Variants in PCDHGB4 observed in about 807,000 individuals in gnomAD.
PCDHGB4 encodes protocadherin gamma-B4.
PCDHGB4 carries 38 observed loss-of-function variants against 60.5 expected under a neutral mutation model. The observed-to-expected ratio is 0.63, with a 90% CI of 0.48 to 0.82. The LOEUF (loss-of-function observed/expected upper bound fraction) is 0.82. Among genes scored for constraint, PCDHGB4 ranks in the 40% least tolerant of loss-of-function variants. PCDHGB4 has a pLI of 0.00. For synonymous variants in PCDHGB4, 456 were observed against 509.7 expected, an observed-to-expected ratio of 0.89 and a Z score of 1.42; for missense variants, 1,109 against 1,209.6, an observed-to-expected ratio of 0.92 and a Z score of 1.23.
At chr5:141,478,528 G>A (rs1013766552) in intron 1 of PCDHGB4, 1 of 1,609,730 alleles carries the variant, frequency 6.2e-7, no homozygotes, top group Non-Finnish European at 8.5e-7. Context: ...TGGGTGCAGA[G>A]AGCGCCCCTC....
rs1239203203 is a variant in PCDHGB4 at position 141,403,933 on chromosome 5, G to T, written c.2397+13652G>T. 1.7e-5 allele frequency: 27 copies of T among 1,613,792 alleles called. No homozygotes were observed. The highest frequency in any genetic ancestry group is 1.6e-4 in the African/African-American group (12 of 74,902). ...TACAAGCTGAAGATGGTGGGGGATT[G>T]AAAGGGTGGACAAAAGTGCTCATTT... On this transcript the variant is annotated intron_variant, in intron 1 of 3. Transcript: ENST00000519479.
intron 1 of PCDHGB4, among the ~76,000 whole-genome samples, chr5:141,454,195 T>C (rs1295815862): frequency 6.6e-6 from 1 of 152,136 alleles, no homozygotes; most frequent in Admixed American, 6.6e-5. Context: ...TTAGTGAAGG[T>C]GAATTTATTG....
chr5:141,400,020 G>A (rs1589396224), intron 1 of PCDHGB4: 1 of 1,612,942 alleles, frequency 6.2e-7, no homozygotes, highest in South Asian at 1.1e-5. Context: ...TGGGCGACAG[G>A]GACGCGGCCC....
chr5:141,511,450 C>A lies in PCDHGB4; in HGVS notation c.*277C>A. Reference sequence around the variant, plus strand: ...TGGGGTTACTGTAGACACCAAGAACCATTTGCCACACCCCGTTTAGTTACA... The same window carrying A: ...TGGGGTTACTGTAGACACCAAGAACAATTTGCCACACCCCGTTTAGTTACA... On this transcript the variant is annotated 3_prime_UTR_variant, in exon 4 of 4. Transcript: ENST00000519479. The A allele has an allele frequency of 3.3e-6, 2 of 615,088 alleles. No homozygotes were observed. The highest frequency in any genetic ancestry group is 6.8e-5 in the East Asian group (2 of 29,272). The allele number at this position is 615,088 out of a possible 1,614,324, so 38.1% of individuals were successfully genotyped here.
intron 1 of PCDHGB4, chr5:141,393,065 G>C (rs980151183): frequency 6.2e-7 from 1 of 1,613,646 alleles, no homozygotes; most frequent in African/African-American, 1.3e-5. Context: ...GCGGCAGCTT[G>C]ATCACCGCGG....
intron 1 of PCDHGB4, among the ~76,000 whole-genome samples, chr5:141,401,929 G>C (rs2094209014): frequency 6.6e-6 from 1 of 152,122 alleles, no homozygotes; most frequent in Non-Finnish European, 1.5e-5. Context: ...GTGATGCTTA[G>C]AATAATGTTT....
At chr5:141,466,510 AT>A (rs1222513096) in intron 1 of PCDHGB4, among the ~76,000 whole-genome samples, 1 of 151,938 alleles carries the variant, frequency 6.6e-6, no homozygotes, top group Non-Finnish European at 1.5e-5. Context: ...AGACAAGATC[AT>A]TTTTTTTCCT....
chr5:141,464,769 T>C (rs2154568595), intron 1 of PCDHGB4, among the ~76,000 whole-genome samples: 1 of 152,328 alleles, frequency 6.6e-6, no homozygotes. Flanking sequence ...ACAGGAATCT[T>C]GTTCTGTTGC....
Position 141,486,320 on chromosome 5 carries a change from G to A in PCDHGB4, c.2398-8487G>A, listed in dbSNP as rs764851576. The stretch of plus-strand genomic sequence containing the variant: ...GCAGGATCCAGACTCAGGGTCAAAC[G>A]GAGATGTGAGCCTCCGCATTCCTGA... On this transcript the variant is annotated intron_variant, in intron 1 of 3. Coordinates refer to ENST00000519479, the MANE Select transcript of PCDHGB4 (RefSeq NM_003736.4). This position sits in a 1 kb window ranked among gnomAD's most constrained non-coding sequence, Gnocchi z 5.0. The A allele has an allele frequency of 6.2e-7, 1 of 1,614,010 alleles. No individual in the cohort carries two copies. Among genetic ancestry groups the A allele is most frequent in the South Asian group, 1.1e-5 (1 of 91,060 alleles).
In PCDHGB4 at chr5:141,432,611, T is replaced by G. The variant is rs141541670; in HGVS notation, c.2397+42330T>G. The G allele has an allele frequency of 4.2e-4, 676 of 1,613,808 alleles. 1 individual carries two copies. The African/African-American group carries it at 5.6e-3, about 13-fold the overall frequency. On this transcript the variant is annotated intron_variant, in intron 1 of 3. Coordinates refer to ENST00000519479, the MANE Select transcript of PCDHGB4 (RefSeq NM_003736.4). This position sits in a 1 kb window ranked among gnomAD's most constrained non-coding sequence, Gnocchi z 6.0. ...CAAGGCCAGCGAGCCGGGACTCTTC[T>G]CGGTGGGTCTGCACACGGGCGAGGT...
chr5:141,492,042 A>T, intron 1 of PCDHGB4: 1 of 519,520 alleles, frequency 1.9e-6, no homozygotes, highest in Non-Finnish European at 3.4e-6. Context: ...GCAGTCACAG[A>T]TCCACCCCTG....
In PCDHGB4 at chr5:141,489,053, G is replaced by C; in HGVS notation, c.2398-5754G>C. 1 of 473,650 alleles carries C rather than the reference G, an allele frequency of 2.1e-6. No homozygotes were observed. Among genetic ancestry groups the C allele is most frequent in the Non-Finnish European group, 3.7e-6 (1 of 270,732 alleles). The allele number at this position is 473,650 out of a possible 1,614,324, so 29.3% of individuals were successfully genotyped here. A position where few individuals can be genotyped will look rare whatever the true frequency, so the allele number is the denominator to read the frequency against. On this transcript the variant is annotated intron_variant, in intron 1 of 3. Transcript: ENST00000519479. The surrounding 1 kb of genome is among the most constrained non-coding windows in gnomAD (Gnocchi z 4.5). ...AGCTCCCCAGCTCCACTCAAATTCA[G>C]CTCCCCTCCCCCCTGCCCACCCCCG...
At chr5:141,433,406 T>C (rs2097604777) in intron 1 of PCDHGB4, among the ~76,000 whole-genome samples, 1 of 149,982 alleles carries the variant, frequency 6.7e-6, no homozygotes, top group Non-Finnish European at 1.5e-5. Flanking sequence ...TATCTATCTA[T>C]TACTTTCTTG....
chr5:141,452,533 A>G lies in PCDHGB4; in HGVS notation c.2398-42274A>G, dbSNP rs562306062. ...CACACTCCCTCAAAATCGTGAGTTC[A>G]TATTGATACCTCCAGTTCTGGTTCT... On this transcript the variant is annotated intron_variant, in intron 1 of 3. Transcript: ENST00000519479. Among the ~76,000 whole-genome samples the G allele has an allele frequency of 2.0e-5, 3 of 152,328 alleles. No individual in the cohort carries two copies. The East Asian group carries it at 5.8e-4, about 29-fold the overall frequency.
In PCDHGB4 at chr5:141,493,026, C is replaced by T. The variant is rs73280358; in HGVS notation, c.2398-1781C>T. 6.6e-6 allele frequency among the ~76,000 whole-genome samples: 1 copy of T among 152,190 alleles called. No individual in the cohort carries two copies. The highest frequency in any genetic ancestry group is 1.5e-5 in the Non-Finnish European group (1 of 68,034). Reference sequence around the variant, plus strand: ...TAGGCTCTGCCAGATGCCAGGGTGCCCTTATGTGTGAGGAAACTACAATAG... The same window carrying T: ...TAGGCTCTGCCAGATGCCAGGGTGCTCTTATGTGTGAGGAAACTACAATAG... On this transcript the variant is annotated intron_variant, in intron 1 of 3. Coordinates refer to ENST00000519479, the MANE Select transcript of PCDHGB4 (RefSeq NM_003736.4). This position sits in a 1 kb window ranked among gnomAD's most constrained non-coding sequence, Gnocchi z 4.3.
intron 1 of PCDHGB4, chr5:141,409,951 G>T: frequency 6.2e-7 from 1 of 1,613,374 alleles, no homozygotes; most frequent in Non-Finnish European, 8.5e-7. Context: ...GCTCTGCAGA[G>T]CCCGGCTACC....
rs758181180 is a variant in PCDHGB4 at position 141,485,483 on chromosome 5, G to T, written c.2398-9324G>T. The T allele has an allele frequency of 1.9e-6, 3 of 1,614,106 alleles. No homozygotes were observed. The highest frequency in any genetic ancestry group is 2.5e-6 in the Non-Finnish European group (3 of 1,180,022). ...GTGTGGGCTCAGTGCCAGCTGCATC[G>T]TGCCCCTGGAGTTTGTCACCGAAGG... On this transcript the variant is annotated intron_variant, in intron 1 of 3. Coordinates refer to ENST00000519479, the MANE Select transcript of PCDHGB4 (RefSeq NM_003736.4). The surrounding 1 kb of genome is among the most constrained non-coding windows in gnomAD (Gnocchi z 5.7).
intron 1 of PCDHGB4, among the ~76,000 whole-genome samples, chr5:141,447,339 A>T (rs767342137): frequency 6.6e-6 from 1 of 151,770 alleles, no homozygotes; most frequent in Non-Finnish European, 1.5e-5. Flanking sequence ...GGGTTTCATC[A>T]TATTGGTCAG....
intron 2 of PCDHGB4, among the ~76,000 whole-genome samples, chr5:141,501,506 G>A (rs770097282): frequency 1.3e-5 from 2 of 151,864 alleles, no homozygotes; most frequent in Non-Finnish European, 2.9e-5. Context: ...GGGGCTCCAA[G>A]GCCTCCAAGC....
Sources: allele counts gnomAD v4.1 joint callset (sites outside exome capture counted in the v4.1 genomes callset), GRCh38; gene constraint gnomAD v4.1.1; non-coding constraint Gnocchi (gnomAD v3.1); transcripts MANE v1.5; gene names NCBI Gene and HGNC (gene_info 2026-07-23, HGNC 2026-07-21).